The following NRXN3 variants were observed in gnomAD, a reference collection of about 807,000 sequenced individuals.
The protein encoded by NRXN3 is neurexin 3, also known as neurexin III.
In NRXN3, 32 loss-of-function variants were observed where a neutral mutation model predicts 137.6. That is an observed-to-expected ratio of 0.23 (90% confidence interval 0.18 to 0.31). The LOEUF (loss-of-function observed/expected upper bound fraction) is 0.31. Among genes scored for constraint, NRXN3 ranks in the 10% least tolerant of loss-of-function variants. The pLI, the probability that NRXN3 is intolerant of heterozygous loss-of-function variation, is 1.00. For missense variants in NRXN3, 1,574 were observed against 2,062.5 expected (o/e 0.76, Z 4.59); for synonymous variants, 798 against 784.5 (o/e 1.02, Z -0.29).
At chr14:78,563,782 C>T (rs558344266) in intron 4 of NRXN3, among the ~76,000 whole-genome samples, 1 of 152,246 alleles carries the variant, frequency 6.6e-6, no homozygotes, top group Non-Finnish European at 1.5e-5. Flanking sequence ...TTTGCCTGCC[C>T]TTCAGCATTC....
chr14:78,465,750 G>C (rs912703081), intron 4 of NRXN3, among the ~76,000 whole-genome samples: 2 of 151,894 alleles, frequency 1.3e-5, no homozygotes, highest in Non-Finnish European at 2.9e-5. Context: ...GGCCAAGATG[G>C]TCTCAATCTC....
chr14:79,818,311 C>A (rs1162337188), intron 20 of NRXN3, among the ~76,000 whole-genome samples: 2 of 152,030 alleles, frequency 1.3e-5, no homozygotes, highest in African/African-American at 4.8e-5. Flanking sequence ...CCTCGGCCTC[C>A]CAAAGTGCTG....
chr14:78,645,014 C>T, intron 4 of NRXN3, 106 bp from the exon 5 acceptor site: 2 of 985,026 alleles, frequency 2.0e-6, no homozygotes, highest in South Asian at 3.5e-5. Flanking sequence ...TTGGTATCAG[C>T]ACAAGAACGG....
chr14:78,654,855 T>C (rs2097773112), intron 6 of NRXN3, among the ~76,000 whole-genome samples: 1 of 152,212 alleles, frequency 6.6e-6, no homozygotes, highest in Non-Finnish European at 1.5e-5. Flanking sequence ...ATAAATATCT[T>C]TCCTAAATGA....
At chr14:78,515,813 G>A (rs1338058956) in intron 4 of NRXN3, among the ~76,000 whole-genome samples, 2 of 152,122 alleles carry the variant, frequency 1.3e-5, no homozygotes, top group East Asian at 1.9e-4. Context: ...AACGGAATAG[G>A]AAAAGCAGCA....
chr14:79,102,848 G>T (rs2051603688), intron 15 of NRXN3, among the ~76,000 whole-genome samples: 1 of 152,100 alleles, frequency 6.6e-6, no homozygotes, highest in Non-Finnish European at 1.5e-5. Context: ...TTAAATTATA[G>T]GTGGGGTGAA....
At chr14:79,228,999 A>T (rs1314816567) in intron 15 of NRXN3, among the ~76,000 whole-genome samples, 1 of 152,152 alleles carries the variant, frequency 6.6e-6, no homozygotes, top group African/African-American at 2.4e-5. Context: ...TCCTTCTTAC[A>T]GACTAACACA....
chr14:78,300,269 C>T (rs1302808376), intron 4 of NRXN3, among the ~76,000 whole-genome samples: 2 of 152,236 alleles, frequency 1.3e-5, no homozygotes, highest in Non-Finnish European at 2.9e-5. Context: ...GAGAACCTAG[C>T]TTCTCCGAGA....
At chr14:79,750,531 T>G (rs2068905327) in intron 19 of NRXN3, among the ~76,000 whole-genome samples, 1 of 152,294 alleles carries the variant, frequency 6.6e-6, no homozygotes, top group African/African-American at 2.4e-5. Context: ...TGACATACTT[T>G]GTGAATTCAT....
At chr14:78,965,092 C>G (rs915708492) in intron 11 of NRXN3, among the ~76,000 whole-genome samples, 2 of 152,130 alleles carry the variant, frequency 1.3e-5, no homozygotes, top group South Asian at 2.1e-4. Flanking sequence ...CTTATAGCCT[C>G]TAGGGACTCA....
At chr14:78,915,888 G>T (rs2099254057) in intron 10 of NRXN3, among the ~76,000 whole-genome samples, 1 of 152,124 alleles carries the variant, frequency 6.6e-6, no homozygotes, top group Non-Finnish European at 1.5e-5. Context: ...CTTGAAAATA[G>T]AGTCTTTAAG....
chr14:79,568,843 GA>G (rs1296820891), intron 16 of NRXN3, among the ~76,000 whole-genome samples: 1 of 152,142 alleles, frequency 6.6e-6, no homozygotes, highest in Non-Finnish European at 1.5e-5. Flanking sequence ...ATTTGAAATG[GA>G]AATGAGGAGT....
At chr14:79,296,390 C>A (rs1331012838) in intron 15 of NRXN3, among the ~76,000 whole-genome samples, 1 of 151,354 alleles carries the variant, frequency 6.6e-6, no homozygotes, top group Non-Finnish European at 1.5e-5. Context: ...AACTTTATAT[C>A]ATGTTTTGAA....
chr14:78,682,443 G>C (rs1016767073), intron 6 of NRXN3, among the ~76,000 whole-genome samples: 9 of 151,266 alleles, frequency 5.9e-5, no homozygotes, highest in Admixed American at 4.6e-4. Flanking sequence ...AACCAAGTAC[G>C]ACACTTTGAC....
chr14:78,920,655 C>G (rs1272917411), intron 10 of NRXN3, among the ~76,000 whole-genome samples: 6 of 152,172 alleles, frequency 3.9e-5, no homozygotes, highest in African/African-American at 1.4e-4. Flanking sequence ...GCTCGGGCTA[C>G]CCACAGTTTT....
chr14:79,373,150 G>A (rs1240192209), intron 15 of NRXN3, among the ~76,000 whole-genome samples: 1 of 152,038 alleles, frequency 6.6e-6, no homozygotes, highest in African/African-American at 2.4e-5. Context: ...CTCATACAGA[G>A]AAATACCTAC....
At chr14:78,746,092 A>G (rs1356839042) in intron 8 of NRXN3, among the ~76,000 whole-genome samples, 1 of 152,242 alleles carries the variant, frequency 6.6e-6, no homozygotes, top group Admixed American at 6.5e-5. Flanking sequence ...ATTCTGCAAA[A>G]GGACTGGTAT....
chr14:79,818,487 T>C (rs935947057), intron 20 of NRXN3, among the ~76,000 whole-genome samples: 1 of 152,182 alleles, frequency 6.6e-6, no homozygotes, highest in Admixed American at 6.5e-5. Context: ...AGATACTGCA[T>C]TTTCTTTATT....
intron 6 of NRXN3, among the ~76,000 whole-genome samples, chr14:78,699,929 A>G (rs1318475863): frequency 6.6e-6 from 1 of 152,226 alleles, no homozygotes; most frequent in African/African-American, 2.4e-5. Flanking sequence ...TCAGAAACAC[A>G]CAACCCATGT....
Sources: gnomAD v4.1 joint callset for allele counts (sites outside exome capture counted in the v4.1 genomes callset) on GRCh38, gnomAD v4.1.1 for gene constraint, MANE v1.5 for transcripts, NCBI Gene and HGNC (gene_info 2026-07-23, HGNC 2026-07-21) for gene names.